MEDAG: variants seen among roughly 807,000 people sequenced by gnomAD.
MEDAG encodes the protein mesenteric estrogen-dependent adipogenesis protein.
MEDAG carries 25 observed loss-of-function variants against 29.9 expected under a neutral mutation model. The observed-to-expected ratio is 0.84, with a 90% confidence interval of 0.61 to 1.17. The LOEUF (loss-of-function observed/expected upper bound fraction) is 1.17. Ranked by LOEUF, MEDAG falls within the 50% of genes most tolerant of loss-of-function variation. The probability of loss-of-function intolerance (pLI) is 0.00; values close to 1 mark genes in which losing one functional copy is unlikely to be tolerated. For synonymous variants in MEDAG, 158 were observed against 148.2 expected, an observed-to-expected ratio of 1.07 and a Z score of -0.48; for missense variants, 398 against 372.9, an observed-to-expected ratio of 1.07 and a Z score of -0.56.
intron 1 of MEDAG, among the ~76,000 whole-genome samples, chr13:30,908,360 T>C (rs1184553640): frequency 6.6e-6 from 1 of 152,236 alleles, no homozygotes; most frequent in Admixed American, 6.5e-5. Flanking sequence ...GGGCTTCTTT[T>C]GTACCTGGGA....
chr13:30,918,207 G>A lies in MEDAG; in HGVS notation c.388+695G>A, dbSNP rs148150940. ...GATGATATATAACATGCTCTACCAC[G>A]TATCAAACACCTACTATGTCTAAGA... On this transcript the variant is annotated intron_variant, in intron 2 of 4. Transcript: ENST00000380482. 9.2e-5 allele frequency among the ~76,000 whole-genome samples: 14 copies of A among 152,282 alleles called. No individual in the cohort carries two copies. The East Asian group carries it at 1.7e-3, about 19-fold the overall frequency.
In MEDAG at chr13:30,924,495, G is replaced by T; in HGVS notation, c.*60G>T. The T allele has an allele frequency of 4.6e-6, 7 of 1,525,266 alleles. No individual in the cohort carries two copies. Among genetic ancestry groups the T allele is most frequent in the East Asian group, 2.4e-5 (1 of 42,078 alleles). The allele number at this position is 1,525,266 out of a possible 1,614,324, so 94.5% of individuals were successfully genotyped here. A position where few individuals can be genotyped will look rare whatever the true frequency, so the allele number is the denominator to read the frequency against. On this transcript the variant is annotated 3_prime_UTR_variant, in exon 5 of 5. Transcript: ENST00000380482. Reference sequence around the variant, plus strand: ...CCAGGCCTGTGCTAGACTATAGGCTGGGGGGAGGGTAGGAGGTGGGAGGCA... The same window carrying T: ...CCAGGCCTGTGCTAGACTATAGGCTTGGGGGAGGGTAGGAGGTGGGAGGCA...
chr13:30,910,377 C>T (rs911216231), intron 1 of MEDAG, among the ~76,000 whole-genome samples: 4 of 152,112 alleles, frequency 2.6e-5, no homozygotes, highest in Non-Finnish European at 2.9e-5. Flanking sequence ...AACATTTACT[C>T]GAATGGTGTA....
chr13:30,917,972 G>T (rs181050645), intron 2 of MEDAG, among the ~76,000 whole-genome samples: 2 of 152,282 alleles, frequency 1.3e-5, no homozygotes, highest in African/African-American at 4.8e-5. Context: ...CTGATGAGCA[G>T]GGCAGAAATC....
intron 1 of MEDAG, among the ~76,000 whole-genome samples, chr13:30,915,744 A>G (rs540913423): frequency 6.6e-6 from 1 of 151,764 alleles, no homozygotes; most frequent in Non-Finnish European, 1.5e-5. Context: ...GGGGTGAAGG[A>G]AGACCCATAC....
chr13:30,914,579 T>C (rs1593506501), intron 1 of MEDAG, among the ~76,000 whole-genome samples: 5 of 152,232 alleles, frequency 3.3e-5, no homozygotes, highest in African/African-American at 1.2e-4. Flanking sequence ...GGATAGCTCA[T>C]GTGTAGGTCA....
intron 1 of MEDAG, among the ~76,000 whole-genome samples, chr13:30,909,935 A>G (rs1952865703): frequency 6.6e-6 from 1 of 152,252 alleles, no homozygotes; most frequent in African/African-American, 2.4e-5. Flanking sequence ...AACCTAAAGA[A>G]ATCCAGCATA....
intron 2 of MEDAG, among the ~76,000 whole-genome samples, chr13:30,919,616 A>T (rs780320323): frequency 1.3e-5 from 2 of 152,262 alleles, no homozygotes; most frequent in African/African-American, 2.4e-5. Context: ...GGAGAAAGAA[A>T]AACATGGGTA....
At chr13:30,912,320 C>G (rs1008841968) in intron 1 of MEDAG, among the ~76,000 whole-genome samples, 3 of 152,182 alleles carry the variant, frequency 2.0e-5, no homozygotes, top group Non-Finnish European at 4.4e-5. Flanking sequence ...GGCGATCAAG[C>G]TAACACTGGA....
intron 1 of MEDAG, among the ~76,000 whole-genome samples, chr13:30,914,986 T>G (rs897856535): frequency 6.6e-6 from 1 of 152,194 alleles, no homozygotes; most frequent in Admixed American, 6.5e-5. Context: ...CTGAACTCCA[T>G]GTAAACAGGA....
intron 4 of MEDAG, among the ~76,000 whole-genome samples, chr13:30,923,821 C>T (rs1473408337): frequency 6.6e-6 from 1 of 152,180 alleles, no homozygotes. Flanking sequence ...TGAAAGTTTA[C>T]TCTAAGCTGG....
rs150834419 is a variant in MEDAG, at chr13:30,910,911, T to C, written c.278+4118T>C. ...CCAGTTCTCAGAAGAGATTCCAACT[T>C]GAGGCTGGGAGGTTGGAAGATGTGG... On this transcript the variant is annotated intron_variant, in intron 1 of 4. Coordinates refer to ENST00000380482, the MANE Select transcript of MEDAG (RefSeq NM_032849.4). 1.4e-3 allele frequency among the ~76,000 whole-genome samples: 208 copies of C among 152,368 alleles called. 2 individuals are homozygous for C. The highest frequency in any genetic ancestry group is 4.9e-3 in the African/African-American group (202 of 41,584).
rs776591666 is a variant in MEDAG, at chr13:30,906,519, G to A, written c.4G>A (p.Ala2Thr). The A allele has an allele frequency of 4.0e-6, 6 of 1,507,112 alleles. No homozygotes were observed. The South Asian group carries it at 7.8e-5, about 20-fold the overall frequency. The allele number at this position is 1,507,112 out of a possible 1,614,324, so 93.4% of individuals were successfully genotyped here. A position where few individuals can be genotyped will look rare whatever the true frequency, so the allele number is the denominator to read the frequency against. The change falls in exon 1 of 5, where the codon GCG (alanine) becomes ACG (threonine). Residue 2 changes from alanine to threonine, a missense_variant. Ala to Thr is a moderately conservative substitution (Grantham distance 58, BLOSUM62 0). Transcript: ENST00000380482. ...TGTGAGGACCGACGACGCGGGCATG[G>A]CGGGGGCGGCCTGCGAGCCGGTGGC... M[A>T]GAACEPVARP...
In MEDAG at chr13:30,906,709, C is replaced by A; in HGVS notation, c.194C>A (p.Ala65Glu). Residue 65 changes from alanine (A) to glutamate (E), a missense_variant, in exon 1 of 5, where the codon GCG (alanine) becomes GAG (glutamate). Ala to Glu is a moderately radical substitution (Grantham distance 107). Coordinates refer to ENST00000380482, the MANE Select transcript of MEDAG (RefSeq NM_032849.4). ...GTGGCCAGGCCCGGGGAGCCGGCGG[C>A]GGCGCGGGGGGGCTTCAACGTCTTC... ...LVVARPGEPAAARGGFNVFGD... is the reference protein window; with the variant it reads ...LVVARPGEPAEARGGFNVFGD... 1.3e-6 allele frequency: 2 copies of A among 1,516,706 alleles called. No individual in the cohort carries two copies. The highest frequency in any genetic ancestry group is 5.0e-5 in the East Asian group (2 of 40,254). 94.0% of individuals were successfully genotyped at this position (1,516,706 alleles called of 1,614,324 possible).
rs1179230273 is a variant in MEDAG, at chr13:30,921,787, G to A, written c.728G>A (p.Ser243Asn). Residue 243 changes from serine (S) to asparagine (N), a missense_variant, in exon 4 of 5, where the codon AGT becomes AAT. Physicochemically the swap from Ser to Asn is conservative, Grantham distance 46. Transcript: ENST00000380482. ...ETIKLFLEKM[S>N]EPLIRRSSFS... ...ATTAAGTTATTTCTGGAAAAAATGAGTGAGCCTTTAATCCGAAGGAGCAGT... is the reference window on the plus strand; with the variant it reads ...ATTAAGTTATTTCTGGAAAAAATGAATGAGCCTTTAATCCGAAGGAGCAGT... 1.2e-6 allele frequency: 2 copies of A among 1,613,424 alleles called. No homozygotes were observed. The highest frequency in any genetic ancestry group is 1.7e-6 in the Non-Finnish European group (2 of 1,179,850).
At chr13:30,918,047 C>T (rs1444531914) in intron 2 of MEDAG, among the ~76,000 whole-genome samples, 1 of 152,146 alleles carries the variant, frequency 6.6e-6, no homozygotes, top group African/African-American at 2.4e-5. Context: ...CAGCACATGC[C>T]TGCAGAACAA....
chr13:30,906,454 T>C lies in MEDAG; in HGVS notation c.-62T>C, dbSNP rs1446302530. The stretch of plus-strand genomic sequence containing the variant: ...CCGGCCCCTCCTGGGGACCATCAGG[T>C]GCCGGCTGGGGGCTGTAGGCACCGG... On this transcript the variant is annotated 5_prime_UTR_variant, in exon 1 of 5. Transcript: ENST00000380482. 8.6e-6 allele frequency: 12 copies of C among 1,393,458 alleles called. No homozygotes were observed. In the Admixed American group the frequency reaches 3.5e-4, roughly 41 times the overall value. 86.3% of individuals were successfully genotyped at this position (1,393,458 alleles called of 1,614,324 possible).
At position 30,906,280 on chromosome 13, in the gene MEDAG, G is replaced by T. The variant is rs1952827031; in HGVS notation, c.-236G>T. The T allele has an allele frequency of 2.6e-6, 1 of 388,782 alleles. No homozygotes were observed. Among genetic ancestry groups the T allele is most frequent in the African/African-American group, 2.1e-5 (1 of 48,072 alleles). The allele number at this position is 388,782 out of a possible 1,614,324, so 24.1% of individuals were successfully genotyped here. A position where few individuals can be genotyped will look rare whatever the true frequency, so the allele number is the denominator to read the frequency against. On this transcript the variant is annotated 5_prime_UTR_variant, in exon 1 of 5. Transcript: ENST00000380482. ...GCGCTGCGCCGGGGCCGCTTTCTCC[G>T]CGCGGTGCCTGCAGGGCTCCCAGCG...
At chr13:30,912,970 G>T (rs118182205) in intron 1 of MEDAG, among the ~76,000 whole-genome samples, 5 of 152,280 alleles carry the variant, frequency 3.3e-5, no homozygotes, top group African/African-American at 1.2e-4. Flanking sequence ...GTTCAAATTC[G>T]TATGTCTACA....
Sources: allele counts gnomAD v4.1 joint callset (sites outside exome capture counted in the v4.1 genomes callset), GRCh38; gene constraint gnomAD v4.1.1; transcripts MANE v1.5; gene names NCBI Gene and HGNC (gene_info 2026-07-23, HGNC 2026-07-21).